Variants in LRP1B observed in about 807,000 individuals in gnomAD.
LRP1B encodes LDL receptor related protein 1B.
LRP1B carries 217 observed loss-of-function variants against 556.6 expected under a neutral mutation model. That is an observed-to-expected ratio of 0.39 (90% confidence interval 0.35 to 0.44). The LOEUF is 0.44. Ranked by LOEUF, LRP1B falls within the 20% of genes least tolerant of loss-of-function variation. The pLI is 1.00. For missense variants in LRP1B, 5,053 were observed against 5,620.8 expected (o/e 0.90, Z 3.23); for synonymous variants, 2,047 against 1,865.8 (o/e 1.10, Z -2.50).
chr2:141,595,076 C>G (rs1165991502), intron 2 of LRP1B, among the ~76,000 whole-genome samples: 1 of 151,816 alleles, frequency 6.6e-6, no homozygotes, highest in Non-Finnish European at 1.5e-5. Context: ...GAATATTTAA[C>G]CAAAATATGG....
chr2:140,776,912 T>G (rs2104953037), intron 32 of LRP1B, among the ~76,000 whole-genome samples: 1 of 152,250 alleles, frequency 6.6e-6, no homozygotes, highest in South Asian at 2.1e-4. Flanking sequence ...TATTTCAAAT[T>G]GTGAAAGCAA....
chr2:140,456,627 AC>A, intron 61 of LRP1B, 24 bp from the exon 62 acceptor site: 2 of 1,597,212 alleles, frequency 1.3e-6, no homozygotes, highest in Non-Finnish European at 1.7e-6. Context: ...AGAAACAACA[AC>A]AACAAAACAG....
intron 87 of LRP1B, among the ~76,000 whole-genome samples, chr2:140,241,414 A>T (rs1680942217): frequency 6.6e-6 from 1 of 150,850 alleles, no homozygotes; most frequent in African/African-American, 2.4e-5. Context: ...CTATCAATAT[A>T]GTTTTAGGGT....
intron 35 of LRP1B, among the ~76,000 whole-genome samples, chr2:140,748,591 GTATATATATATATATATA>G (rs70988428): frequency 0.045 from 3,318 of 73,346 alleles, 280 homozygotes; most frequent in African/African-American, 0.17. Flanking sequence ...TATACAGTGT[GTATATATATATATATATA>G]TATATATATA....
At chr2:141,122,418 AAAC>A (rs1216582270) in intron 7 of LRP1B, among the ~76,000 whole-genome samples, 1 of 141,640 alleles carries the variant, frequency 7.1e-6, no homozygotes, top group Non-Finnish European at 1.6e-5. Flanking sequence ...AAAAAAAAAA[AAAC>A]ATCAAAAAGT....
chr2:141,847,902 T>C (rs948834254), intron 1 of LRP1B, among the ~76,000 whole-genome samples: 1 of 151,548 alleles, frequency 6.6e-6, no homozygotes, highest in Non-Finnish European at 1.5e-5. Context: ...ATGACATCAA[T>C]GACAAATTGG....
intron 59 of LRP1B, among the ~76,000 whole-genome samples, chr2:140,475,647 T>C (rs2105348770): frequency 6.6e-6 from 1 of 151,658 alleles, no homozygotes; most frequent in East Asian, 1.9e-4. Context: ...ATGTAAACTT[T>C]CAAAAGATAC....
intron 43 of LRP1B, among the ~76,000 whole-genome samples, chr2:140,575,695 G>A (rs142473608): frequency 1.3e-5 from 2 of 152,112 alleles, no homozygotes; most frequent in Non-Finnish European, 2.9e-5. Context: ...AGGCTGAAGC[G>A]GGAGGATCAT....
At chr2:140,554,335 C>T (rs1288902997) in intron 43 of LRP1B, among the ~76,000 whole-genome samples, 1 of 152,038 alleles carries the variant, frequency 6.6e-6, no homozygotes, top group Non-Finnish European at 1.5e-5. Context: ...TTATGTATGA[C>T]TGCAATTATT....
At chr2:140,717,078 G>GT (rs539030911) in intron 35 of LRP1B, among the ~76,000 whole-genome samples, 303 of 151,924 alleles carry the variant, frequency 2.0e-3, no homozygotes, top group African/African-American at 7.0e-3. Flanking sequence ...ATTGTTTATT[G>GT]TTTTTATTAA....
At chr2:141,795,857 A>AAT (rs1198211801) in intron 2 of LRP1B, among the ~76,000 whole-genome samples, 1,134 of 50,964 alleles carry the variant, frequency 0.022, 20 homozygotes, top group Non-Finnish European at 0.025. Context: ...AACCAGGAGC[A>AAT]ATATATATAT....
intron 84 of LRP1B, among the ~76,000 whole-genome samples, chr2:140,285,099 C>CTA (rs1683084845): frequency 1.3e-5 from 2 of 149,556 alleles, no homozygotes; most frequent in South Asian, 2.1e-4. Context: ...ATATCTCTCT[C>CTA]TCTATATATA....
At chr2:141,858,715 C>T (rs1698143658) in intron 1 of LRP1B, among the ~76,000 whole-genome samples, 1 of 151,970 alleles carries the variant, frequency 6.6e-6, no homozygotes, top group Admixed American at 6.6e-5. Context: ...AATTATGCAC[C>T]AGTAAACACA....
chr2:141,108,343 T>TTTC (rs1700661390), intron 7 of LRP1B, among the ~76,000 whole-genome samples: 2 of 114,196 alleles, frequency 1.8e-5, no homozygotes, highest in African/African-American at 6.9e-5. Flanking sequence ...TCTTTTTTTT[T>TTTC]TTTTTTTTTT....
In LRP1B at chr2:141,675,234, A is replaced by G. The variant is rs80168495; in HGVS notation, c.205+135045T>C. ...TTATTATATTTAAAGTACCTTTCCT[A>G]ATAAAATACTTGTTAAAAGTTTTTG... On this transcript the variant is annotated intron_variant, in intron 2 of 90. Coordinates refer to ENST00000389484, the MANE Select transcript of LRP1B (RefSeq NM_018557.3). Among the ~76,000 whole-genome samples, 121 of 152,034 alleles carry G rather than the reference A, an allele frequency of 8.0e-4. No individual in the cohort carries two copies. The East Asian group carries it at 0.021, about 27-fold the overall frequency.
At chr2:141,714,967 T>C (rs925810154) in intron 2 of LRP1B, among the ~76,000 whole-genome samples, 1 of 152,170 alleles carries the variant, frequency 6.6e-6, no homozygotes, top group Non-Finnish European at 1.5e-5. Context: ...GTTTTATTAT[T>C]GTAATGATAT....
intron 1 of LRP1B, among the ~76,000 whole-genome samples, chr2:142,035,919 A>G (rs1703861304): frequency 6.6e-6 from 1 of 151,686 alleles, no homozygotes. Context: ...ATAGTGAATA[A>G]GTCTCATGAG....
At chr2:141,791,314 CAAA>C (rs1232605670) in intron 2 of LRP1B, among the ~76,000 whole-genome samples, 1 of 151,826 alleles carries the variant, frequency 6.6e-6, no homozygotes, top group Non-Finnish European at 1.5e-5. Context: ...ATGCCAAAGA[CAAA>C]AACTGAAAAA....
chr2:140,278,842 T>C (rs1682797828), intron 84 of LRP1B, among the ~76,000 whole-genome samples: 1 of 151,928 alleles, frequency 6.6e-6, no homozygotes, highest in Non-Finnish European at 1.5e-5. Flanking sequence ...TAACACTCCA[T>C]GCTGAGTTGA....
Sources: allele counts gnomAD v4.1 joint callset (sites outside exome capture counted in the v4.1 genomes callset), GRCh38; gene constraint gnomAD v4.1.1; transcripts MANE v1.5; gene names NCBI Gene and HGNC (gene_info 2026-07-23, HGNC 2026-07-21).